Variants in CERS3 observed in about 807,000 individuals in gnomAD.
CERS3 encodes the protein ceramide synthase 3.
In CERS3, 33 loss-of-function variants were observed where a neutral mutation model predicts 50.3. That is an observed-to-expected ratio of 0.66 (90% confidence interval 0.50 to 0.88). The LOEUF (loss-of-function observed/expected upper bound fraction) is 0.88. Among genes scored for constraint, CERS3 ranks in the 40% least tolerant of loss-of-function variants. The pLI is 0.00. For synonymous variants in CERS3, 176 were observed against 155.2 expected (o/e 1.13, Z -0.99); for missense variants, 470 against 460.3 (o/e 1.02, Z -0.19).
chr15:100,434,560 C>G (rs921939149), intron 11 of CERS3, among the ~76,000 whole-genome samples: 1 of 152,192 alleles, frequency 6.6e-6, no homozygotes, highest in African/African-American at 2.4e-5. Context: ...ACACAAAACT[C>G]TCTTCTGAGA....
At chr15:100,431,985 C>T (rs1005584398) in intron 11 of CERS3, among the ~76,000 whole-genome samples, 1 of 152,136 alleles carries the variant, frequency 6.6e-6, no homozygotes, top group Non-Finnish European at 1.5e-5. Context: ...TTACAATCCT[C>T]CTCTGATTCA....
At chr15:100,467,401 G>A (rs963779462) in intron 10 of CERS3, among the ~76,000 whole-genome samples, 6 of 152,018 alleles carry the variant, frequency 3.9e-5, no homozygotes, top group South Asian at 4.2e-4. Context: ...GTATGTTTTC[G>A]TACAGCCCAT....
intron 5 of CERS3, among the ~76,000 whole-genome samples, chr15:100,480,509 C>T (rs574846672): frequency 6.6e-6 from 1 of 152,050 alleles, no homozygotes; most frequent in Non-Finnish European, 1.5e-5. Flanking sequence ...ACTCTTTTCT[C>T]CTAAAAGTAG....
intron 11 of CERS3, among the ~76,000 whole-genome samples, chr15:100,406,599 T>C (rs1172997956): frequency 6.6e-6 from 1 of 152,150 alleles, no homozygotes; most frequent in African/African-American, 2.4e-5. Context: ...GGAATAAACT[T>C]GGCATCTCCT....
intron 11 of CERS3, among the ~76,000 whole-genome samples, chr15:100,411,693 G>A (rs374121757): frequency 1.3e-5 from 2 of 152,216 alleles, no homozygotes; most frequent in Admixed American, 6.5e-5. Flanking sequence ...ATGTGGTTAA[G>A]CCTATGTTTA....
chr15:100,491,064 C>G (rs2035635829), intron 3 of CERS3, 133 bp from the exon 4 acceptor site: 1 of 573,268 alleles, frequency 1.7e-6, no homozygotes, highest in Non-Finnish European at 3.0e-6. Flanking sequence ...GGGCTACGTA[C>G]AGCCAAAATC....
At chr15:100,533,964 G>A (rs2037008612) in intron 1 of CERS3, among the ~76,000 whole-genome samples, 1 of 152,186 alleles carries the variant, frequency 6.6e-6, no homozygotes, top group Admixed American at 6.5e-5. Flanking sequence ...GAAGAGTTTA[G>A]TCAATACTGA....
intron 3 of CERS3, among the ~76,000 whole-genome samples, chr15:100,493,882 G>A (rs2035726420): frequency 6.6e-6 from 1 of 151,830 alleles, no homozygotes; most frequent in Non-Finnish European, 1.5e-5. Flanking sequence ...TTCTTGATTT[G>A]GTGAGACACT....
At chr15:100,417,722 A>C (rs1422328081) in intron 11 of CERS3, among the ~76,000 whole-genome samples, 2 of 151,954 alleles carry the variant, frequency 1.3e-5, no homozygotes, top group African/African-American at 4.9e-5. Flanking sequence ...CCCAGCACGC[A>C]GCTGGAGATC....
chr15:100,499,321 G>T (rs532975642), intron 3 of CERS3, among the ~76,000 whole-genome samples: 7 of 152,142 alleles, frequency 4.6e-5, no homozygotes, highest in African/African-American at 7.2e-5. Flanking sequence ...AAACTAATTA[G>T]AAACTAGTAG....
chr15:100,444,313 G>A (rs913668585), intron 11 of CERS3, among the ~76,000 whole-genome samples: 3 of 151,974 alleles, frequency 2.0e-5, no homozygotes, highest in African/African-American at 7.3e-5. Context: ...ACTCTTTGTT[G>A]AGTCTCCCAC....
At chr15:100,477,102 A>G (rs2035152153) in intron 7 of CERS3, among the ~76,000 whole-genome samples, 1 of 152,228 alleles carries the variant, frequency 6.6e-6, no homozygotes, top group South Asian at 2.1e-4. Context: ...AACACTGCCT[A>G]GCTGAGCCTA....
intron 1 of CERS3, among the ~76,000 whole-genome samples, chr15:100,534,106 CCTCT>C (rs1404694483): frequency 6.6e-6 from 1 of 152,206 alleles, no homozygotes; most frequent in Non-Finnish European, 1.5e-5. Flanking sequence ...CTCACCACTC[CCTCT>C]GAGGGCTGGC....
intron 11 of CERS3, among the ~76,000 whole-genome samples, chr15:100,424,678 A>C (rs2032696419): frequency 6.6e-6 from 1 of 152,234 alleles, no homozygotes; most frequent in Non-Finnish European, 1.5e-5. Flanking sequence ...TCAAGAAGTG[A>C]CCTGGCTGCT....
At position 100,428,992 on chromosome 15, in the gene CERS3, G is replaced by A. The variant is rs148472485; in HGVS notation, c.1000-26127C>T. Among the ~76,000 whole-genome samples, 873 of 152,310 alleles carry A rather than the reference G, an allele frequency of 5.7e-3. 3 individuals carry two copies. The highest frequency in any genetic ancestry group is 9.8e-3 in the Non-Finnish European group (670 of 68,028). On this transcript the variant is annotated intron_variant, in intron 11 of 11. Transcript: ENST00000679737. ...TGCGATGTGAGAGCCTTGCATGCTCGGGGATTAGCAAGGACAGCACAGCTA... is the reference window on the plus strand; with the variant it reads ...TGCGATGTGAGAGCCTTGCATGCTCAGGGATTAGCAAGGACAGCACAGCTA...
At chr15:100,409,200 G>A (rs756797705) in intron 11 of CERS3, among the ~76,000 whole-genome samples, 4 of 152,060 alleles carry the variant, frequency 2.6e-5, no homozygotes, top group Non-Finnish European at 5.9e-5. Context: ...CTTGCCTCAG[G>A]TGCCATCAGT....
chr15:100,421,781 G>A lies in CERS3; in HGVS notation c.1000-18916C>T, dbSNP rs1217308410. Reference sequence around the variant, plus strand: ...ACAGAGCCCTCAGAAATAATGCCGCGTATCTACAACTATCTGATCTTTGAC... The same window carrying A: ...ACAGAGCCCTCAGAAATAATGCCGCATATCTACAACTATCTGATCTTTGAC... On this transcript the variant is annotated intron_variant, in intron 11 of 11. Transcript: ENST00000679737. Among the ~76,000 whole-genome samples, 848 of 130,996 alleles carry A rather than the reference G, an allele frequency of 6.5e-3. 17 individuals carry two copies. The highest frequency in any genetic ancestry group is 0.017 in the African/African-American group (599 of 34,954). 85.9% of individuals were successfully genotyped at this position (130,996 alleles called of 152,430 possible).
intron 1 of CERS3, among the ~76,000 whole-genome samples, chr15:100,537,183 A>T (rs2037095301): frequency 6.6e-6 from 1 of 152,224 alleles, no homozygotes; most frequent in African/African-American, 2.4e-5. Context: ...GGATTTTTAA[A>T]AAAGCACAAG....
At chr15:100,469,611 C>T (rs374613566) in intron 9 of CERS3, 127 bp from the exon 10 acceptor site, 6 of 639,544 alleles carry the variant, frequency 9.4e-6, no homozygotes, top group African/African-American at 9.2e-5. Context: ...GTAGGGGGTA[C>T]AGGTGGGGCA....
Sources: gnomAD v4.1 joint callset for allele counts (sites outside exome capture counted in the v4.1 genomes callset) on GRCh38, gnomAD v4.1.1 for gene constraint, MANE v1.5 for transcripts, NCBI Gene and HGNC (gene_info 2026-07-23, HGNC 2026-07-21) for gene names.